RCN2: variants seen among roughly 807,000 people sequenced by gnomAD.
RCN2 encodes reticulocalbin 2.
RCN2 carries 23 observed loss-of-function variants against 37.5 expected under a neutral mutation model. The ratio of observed to expected loss-of-function variants is 0.61; its 90% CI spans 0.44 to 0.87. The LOEUF (loss-of-function observed/expected upper bound fraction) is 0.87, where lower values mean the gene tolerates loss of function less well. Ranked by LOEUF, RCN2 falls within the 40% of genes least tolerant of loss-of-function variation. RCN2 has a pLI of 0.00. For synonymous variants in RCN2, 140 were observed against 144.6 expected (o/e 0.97, Z 0.23); for missense variants, 381 against 390.4 (o/e 0.98, Z 0.20).
At chr15:76,941,188 T>G (rs2075275370) in intron 3 of RCN2, among the ~76,000 whole-genome samples, 1 of 151,968 alleles carries the variant, frequency 6.6e-6, no homozygotes, top group African/African-American at 2.4e-5. Flanking sequence ...CGTGTGCCAC[T>G]ATGCCCAGCT....
chr15:76,940,661 G>T (rs956738323), intron 3 of RCN2, among the ~76,000 whole-genome samples: 24 of 148,176 alleles, frequency 1.6e-4, no homozygotes, highest in African/African-American at 6.0e-4. Context: ...CAATTCTCCT[G>T]CCTCAGCCTC....
intron 3 of RCN2, chr15:76,943,455 T>C (rs909815094): frequency 1.2e-4 from 27 of 233,088 alleles, no homozygotes; most frequent in African/African-American, 4.9e-4. Context: ...CTCATCCCAA[T>C]TGCTTATTAG....
At chr15:76,937,108 AT>A in intron 3 of RCN2, among the ~76,000 whole-genome samples, 1 of 152,318 alleles carries the variant, frequency 6.6e-6, no homozygotes, top group East Asian at 1.9e-4. Flanking sequence ...ATGCATCAGA[AT>A]TTCCTTCCTT....
Position 76,939,820 on chromosome 15 carries a change from T to A in RCN2, c.448-3938T>A, listed in dbSNP as rs572945111. ...TTTGTTACTCAAAAGACTTAATTAC[T>A]ATCCCATTAAAAAATAAGAAGTGCA... On this transcript the variant is annotated intron_variant, in intron 3 of 6. Coordinates refer to ENST00000394885, the MANE Select transcript of RCN2 (RefSeq NM_002902.3). Among the ~76,000 whole-genome samples, 6 of 152,350 alleles carry A rather than the reference T, an allele frequency of 3.9e-5. No individual in the cohort carries two copies. The East Asian group carries it at 9.6e-4, about 24-fold the overall frequency.
chr15:76,936,043 T>G (rs956195430), intron 3 of RCN2, among the ~76,000 whole-genome samples: 6 of 152,206 alleles, frequency 3.9e-5, no homozygotes, highest in Non-Finnish European at 7.3e-5. Flanking sequence ...CAGTTTTATC[T>G]TTATTAAGAA....
rs148064687 is a variant in RCN2, at chr15:76,936,877, T to C, written c.447+1155T>C. Among the ~76,000 whole-genome samples the C allele has an allele frequency of 3.9e-5, 6 of 152,276 alleles. No homozygotes were observed. The East Asian group carries it at 1.2e-3, about 29-fold the overall frequency. On this transcript the variant is annotated intron_variant, in intron 3 of 6. Transcript: ENST00000394885. ...TACATTCATGGTGTTGTGCAACCAA[T>C]CTCCCCGACTCTTTTCATCTTACAG... is the stretch of plus-strand genomic sequence containing the variant.
intron 6 of RCN2, 196 bp downstream of exon 6, chr15:76,948,748 T>A: frequency 1.8e-6 from 1 of 553,958 alleles, no homozygotes; most frequent in Non-Finnish European, 3.1e-6. Flanking sequence ...GTGTCATGTA[T>A]TAATTTGAGA....
At chr15:76,948,583 A>C in intron 6 of RCN2, 31 bp downstream of exon 6, 1 of 1,483,380 alleles carries the variant, frequency 6.7e-7, no homozygotes, top group Non-Finnish European at 9.0e-7. Flanking sequence ...GTTTCTCTCC[A>C]CCCCCTCCCC....
rs1264845545 is a variant in RCN2, at chr15:76,931,786, G to C, written c.-56G>C. The C allele has an allele frequency of 1.1e-5, 13 of 1,185,514 alleles. No homozygotes were observed. Among genetic ancestry groups the C allele is most frequent in the Admixed American group, 4.6e-5 (1 of 21,942 alleles). The allele number at this position is 1,185,514 out of a possible 1,614,324, so 73.4% of individuals were successfully genotyped here. A position where few individuals can be genotyped will look rare whatever the true frequency, so the allele number is the denominator to read the frequency against. ...GCCCGCGGAGCATCGCAGCCGGCCC[G>C]GGCCCCCGCCAGCCTCCCTCCTCGC... On this transcript the variant is annotated 5_prime_UTR_variant, in exon 1 of 7. Coordinates refer to ENST00000394885, the MANE Select transcript of RCN2 (RefSeq NM_002902.3).
chr15:76,953,340 A>G lies in RCN2; in HGVS notation c.*4118A>G, dbSNP rs1481824218. ...AAAGTTCACCCATATTGTTACCAGAATTTCTTTCGTCAGGCTGAACAATAC... is the reference window on the plus strand; with the variant it reads ...AAAGTTCACCCATATTGTTACCAGAGTTTCTTTCGTCAGGCTGAACAATAC... On this transcript the variant is annotated 3_prime_UTR_variant, in exon 7 of 7. Coordinates refer to ENST00000394885, the MANE Select transcript of RCN2 (RefSeq NM_002902.3). The G allele has an allele frequency of 6.6e-6, 1 of 151,676 alleles. No individual in the cohort carries two copies. The highest frequency in any genetic ancestry group is 1.5e-5 in the Non-Finnish European group (1 of 67,936). 9.4% of individuals were successfully genotyped at this position (151,676 alleles called of 1,614,324 possible). A position where few individuals can be genotyped will look rare whatever the true frequency, so the allele number is the denominator to read the frequency against.
Position 76,953,622 on chromosome 15 carries a change from T to C in RCN2, c.*4400T>C, listed in dbSNP as rs1344201825. On this transcript the variant is annotated 3_prime_UTR_variant, in exon 7 of 7. Transcript: ENST00000394885. ...TTTTTTTTTTTTTTTTTTTTTTTTT[T>C]TTTGAGACGGAGTCTCGCTCTGTCG... The C allele has an allele frequency of 8.5e-6, 1 of 117,446 alleles. No individual in the cohort carries two copies. Among genetic ancestry groups the C allele is most frequent in the African/African-American group, 3.3e-5 (1 of 30,146 alleles). The allele number at this position is 117,446 out of a possible 1,614,324, so 7.3% of individuals were successfully genotyped here. A position where few individuals can be genotyped will look rare whatever the true frequency, so the allele number is the denominator to read the frequency against.
intron 4 of RCN2, 113 bp downstream of exon 4, chr15:76,943,984 C>CTT (rs11361216): frequency 1.7e-3 from 165 of 96,370 alleles, no homozygotes; most frequent in Middle Eastern, 7.8e-3. Context: ...ATACATGAGA[C>CTT]TTTTTTTTTT....
rs1370127817 is a variant in RCN2, at chr15:76,931,873, GGCT to G, written c.43_45del (p.Leu15del). 38 of 1,309,076 alleles carry G rather than the reference GGCT, an allele frequency of 2.9e-5. No individual in the cohort carries two copies. Among genetic ancestry groups the G allele is most frequent in the South Asian group, 2.4e-4 (12 of 49,884 alleles). 81.1% of individuals were successfully genotyped at this position (1,309,076 alleles called of 1,614,324 possible). A position where few individuals can be genotyped will look rare whatever the true frequency, so the allele number is the denominator to read the frequency against. ...CTGGGCCCGAGGACCGCGGCGTTGG[GGCT>G]GCTGCTGCTGTGCGCCGCCGCGGCC... On this transcript the variant is annotated inframe_deletion, in exon 1 of 7. Coordinates refer to ENST00000394885, the MANE Select transcript of RCN2 (RefSeq NM_002902.3).
chr15:76,934,584 A>T (rs113044922), intron 2 of RCN2, among the ~76,000 whole-genome samples: 71 of 152,364 alleles, frequency 4.7e-4, no homozygotes, highest in African/African-American at 1.6e-3. Context: ...AATTTACTCC[A>T]GATGTTTTAA....
intron 4 of RCN2, among the ~76,000 whole-genome samples, chr15:76,944,973 G>A (rs2075291289): frequency 6.6e-6 from 1 of 152,188 alleles, no homozygotes; most frequent in Non-Finnish European, 1.5e-5. Flanking sequence ...CATAGTGGTT[G>A]TATGAATTTA....
rs2075329419 is a variant in RCN2, at chr15:76,953,174, T to G, written c.*3952T>G. 6.6e-6 allele frequency: 1 copy of G among 152,002 alleles called. No homozygotes were observed. Among genetic ancestry groups the G allele is most frequent in the African/African-American group, 2.4e-5 (1 of 41,354 alleles). 9.4% of individuals were successfully genotyped at this position (152,002 alleles called of 1,614,324 possible). ...GTCTCGAACTCTTGACCTCAGGTGA[T>G]CCACCTGCCTCGGCCTCCCAAAGTG... On this transcript the variant is annotated 3_prime_UTR_variant, in exon 7 of 7. Transcript: ENST00000394885.
chr15:76,931,925 G>A lies in RCN2; in HGVS notation c.84G>A (p.Leu28=). 7.6e-7 allele frequency: 1 copy of A among 1,316,334 alleles called. No individual in the cohort carries two copies. Among genetic ancestry groups the A allele is most frequent in the Non-Finnish European group, 9.7e-7 (1 of 1,034,528 alleles). The allele number at this position is 1,316,334 out of a possible 1,614,324, so 81.5% of individuals were successfully genotyped here. ...CCGGCGCCGGCAAGGCCGAGGAGCT[G>A]CACTACCCGCTGGGCGAGCGCCGCA... is the stretch of plus-strand genomic sequence containing the variant. ...AAAGAGKAEE[L]HYPLGERRSD... The change falls in exon 1 of 7, where the codon CTG becomes CTA. Residue 28 remains leucine (L), a synonymous_variant. Transcript: ENST00000394885.
At chr15:76,944,481 G>C (rs2075289110) in intron 4 of RCN2, among the ~76,000 whole-genome samples, 1 of 151,632 alleles carries the variant, frequency 6.6e-6, no homozygotes, top group Admixed American at 6.6e-5. Flanking sequence ...CATTCTTACT[G>C]TTTTTTTTGT....
chr15:76,947,638 A>C, intron 5 of RCN2, 121 bp downstream of exon 5: 1 of 672,736 alleles, frequency 1.5e-6, no homozygotes, highest in Non-Finnish European at 2.6e-6. Context: ...GTCTGATCCT[A>C]CTTGTTTCGT....
Sources: gnomAD v4.1 joint callset for allele counts (sites outside exome capture counted in the v4.1 genomes callset) on GRCh38, gnomAD v4.1.1 for gene constraint, MANE v1.5 for transcripts, NCBI Gene and HGNC (gene_info 2026-07-23, HGNC 2026-07-21) for gene names.